MEI4: variants seen among roughly 807,000 people sequenced by gnomAD.
MEI4 encodes meiotic double-stranded break formation protein 4.
Under a neutral mutation model 31.4 loss-of-function variants are expected in MEI4, and 27 were observed. The observed-to-expected ratio is 0.86, with a 90% CI of 0.63 to 1.19. The LOEUF (loss-of-function observed/expected upper bound fraction) is 1.19, where lower values mean the gene tolerates loss of function less well. Among genes scored for constraint, MEI4 ranks in the 50% most tolerant of loss-of-function variants. The pLI is 0.00. For missense variants in MEI4, 329 were observed against 398.9 expected, an observed-to-expected ratio of 0.82 and a Z score of 1.49; for synonymous variants, 122 against 145.4, an observed-to-expected ratio of 0.84 and a Z score of 1.16.
intron 4 of MEI4, among the ~76,000 whole-genome samples, chr6:77,916,390 A>T (rs773421266): frequency 2.0e-4 from 30 of 151,810 alleles, no homozygotes; most frequent in African/African-American, 6.8e-4. Context: ...CCCATTTTTG[A>T]AATTTGTTTT....
chr6:77,826,686 A>C (rs1404889289), intron 3 of MEI4, among the ~76,000 whole-genome samples: 1 of 152,188 alleles, frequency 6.6e-6, no homozygotes, highest in Non-Finnish European at 1.5e-5. Flanking sequence ...TCCTACATGC[A>C]TTAGACCCAC....
chr6:77,755,851 T>TGCGC (rs1554161628), intron 2 of MEI4, among the ~76,000 whole-genome samples: 18 of 151,826 alleles, frequency 1.2e-4, no homozygotes, highest in Admixed American at 2.0e-4. Context: ...TGTGTGTGTG[T>TGCGC]GTGTATTTTA....
intron 3 of MEI4, among the ~76,000 whole-genome samples, chr6:77,781,281 T>TCA (rs1392359503): frequency 6.6e-6 from 1 of 152,188 alleles, no homozygotes; most frequent in Admixed American, 6.6e-5. Context: ...TAATTAGGGA[T>TCA]TGCTTTTGTA....
At chr6:77,861,191 T>G (rs1770857067) in intron 4 of MEI4, among the ~76,000 whole-genome samples, 1 of 152,186 alleles carries the variant, frequency 6.6e-6, no homozygotes, top group Admixed American at 6.5e-5. Context: ...CCCTTTTGAT[T>G]GGTTGGAGAG....
chr6:77,824,072 A>G (rs371541121), intron 3 of MEI4, among the ~76,000 whole-genome samples: 3 of 152,120 alleles, frequency 2.0e-5, no homozygotes, highest in African/African-American at 7.2e-5. Flanking sequence ...TGGGTATGCA[A>G]TGGGTTGATA....
chr6:77,683,998 C>G (rs1769005802), intron 1 of MEI4, among the ~76,000 whole-genome samples: 1 of 152,066 alleles, frequency 6.6e-6, no homozygotes, highest in Non-Finnish European at 1.5e-5. Flanking sequence ...ATATTCTCAC[C>G]AACAGTGTAC....
chr6:77,863,936 A>C (rs1315609275), intron 4 of MEI4, among the ~76,000 whole-genome samples: 18 of 152,316 alleles, frequency 1.2e-4, no homozygotes, highest in African/African-American at 2.4e-5. Flanking sequence ...CAACATTCTT[A>C]AAGAAAAGAA....
chr6:77,821,155 T>C (rs1769814334), intron 3 of MEI4, among the ~76,000 whole-genome samples: 1 of 152,116 alleles, frequency 6.6e-6, no homozygotes, highest in Non-Finnish European at 1.5e-5. Flanking sequence ...ATTTTTATTT[T>C]TCTCAAAGAC....
chr6:77,656,745 C>A (rs1384506833), intron 1 of MEI4, among the ~76,000 whole-genome samples: 1 of 152,046 alleles, frequency 6.6e-6, no homozygotes, highest in Non-Finnish European at 1.5e-5. Context: ...ATAATTTACT[C>A]TTAATAATCC....
chr6:77,656,683 C>T (rs988604512), intron 1 of MEI4, among the ~76,000 whole-genome samples: 4 of 152,090 alleles, frequency 2.6e-5, no homozygotes, highest in African/African-American at 9.7e-5. Flanking sequence ...TTAGATAGTT[C>T]TCAAGAGGTT....
At chr6:77,702,648 C>G (rs966156094) in intron 2 of MEI4, among the ~76,000 whole-genome samples, 1 of 152,120 alleles carries the variant, frequency 6.6e-6, no homozygotes, top group Admixed American at 6.6e-5. Context: ...CCTTTCTAGT[C>G]TAAATTGCAG....
chr6:77,839,433 A>G (rs2127714173), intron 4 of MEI4, among the ~76,000 whole-genome samples: 1 of 152,206 alleles, frequency 6.6e-6, no homozygotes, highest in Admixed American at 6.5e-5. Flanking sequence ...TGGAGTAGAG[A>G]GAGTTGGAGA....
At chr6:77,918,223 T>G (rs1766613267) in intron 4 of MEI4, among the ~76,000 whole-genome samples, 1 of 151,956 alleles carries the variant, frequency 6.6e-6, no homozygotes, top group Non-Finnish European at 1.5e-5. Context: ...CTTTGTTCTT[T>G]TGGCTTAGGA....
At chr6:77,780,876 C>T (rs1047651825) in intron 3 of MEI4, among the ~76,000 whole-genome samples, 4 of 151,776 alleles carry the variant, frequency 2.6e-5, no homozygotes, top group African/African-American at 9.7e-5. Context: ...CTCCAATAAG[C>T]CATATATATG....
intron 2 of MEI4, among the ~76,000 whole-genome samples, chr6:77,744,559 A>G (rs1227811194): frequency 2.0e-5 from 3 of 152,246 alleles, no homozygotes; most frequent in Admixed American, 6.5e-5. Flanking sequence ...GATATTATCC[A>G]GGAGAACTTC....
At chr6:77,769,881 G>A (rs528382154) in intron 3 of MEI4, among the ~76,000 whole-genome samples, 1 of 152,078 alleles carries the variant, frequency 6.6e-6, no homozygotes, top group African/African-American at 2.4e-5. Flanking sequence ...CCTTGGGTGA[G>A]ACCCAGAGCC....
chr6:77,797,971 C>A (rs147277245), intron 3 of MEI4, among the ~76,000 whole-genome samples: 7 of 152,216 alleles, frequency 4.6e-5, no homozygotes, highest in African/African-American at 1.7e-4. Context: ...GTCTCACACA[C>A]ACAAGCCTAT....
intron 3 of MEI4, among the ~76,000 whole-genome samples, chr6:77,827,131 C>T (rs1229294338): frequency 2.0e-5 from 3 of 151,920 alleles, no homozygotes; most frequent in African/African-American, 7.3e-5. Context: ...GAGGCCAAGG[C>T]GGGCAGATCA....
chr6:77,755,438 A>C (rs760791636), intron 2 of MEI4, among the ~76,000 whole-genome samples: 10 of 151,762 alleles, frequency 6.6e-5, no homozygotes, highest in Non-Finnish European at 1.3e-4. Context: ...TTTTTTTCTA[A>C]GACAGAGTCT....
Sources: allele counts gnomAD v4.1 joint callset (sites outside exome capture counted in the v4.1 genomes callset), GRCh38; gene constraint gnomAD v4.1.1; transcripts MANE v1.5; gene names NCBI Gene and HGNC (gene_info 2026-07-23, HGNC 2026-07-21).